Variants in OPCML observed in about 807,000 individuals in gnomAD.
OPCML encodes the protein opioid-binding protein/cell adhesion molecule.
OPCML carries 13 observed loss-of-function variants against 37.8 expected under a neutral mutation model. The observed-to-expected ratio is 0.34, with a 90% CI of 0.22 to 0.55. OPCML has a LOEUF of 0.55. Among genes scored for constraint, OPCML ranks in the 20% least tolerant of loss-of-function variants. The pLI, the probability that OPCML is intolerant of heterozygous loss-of-function variation, is 0.91. For synonymous variants in OPCML, 176 were observed against 168.8 expected (o/e 1.04, Z -0.33); for missense variants, 341 against 435.6 (o/e 0.78, Z 1.93).
At chr11:132,668,662 C>T (rs954505173) in intron 2 of OPCML, among the ~76,000 whole-genome samples, 11 of 152,092 alleles carry the variant, frequency 7.2e-5, no homozygotes, top group South Asian at 4.1e-4. Flanking sequence ...TGAATCCGTT[C>T]GCATATCCTT....
At chr11:132,500,569 T>C (rs2096243354) in intron 4 of OPCML, among the ~76,000 whole-genome samples, 1 of 152,206 alleles carries the variant, frequency 6.6e-6, no homozygotes, top group Non-Finnish European at 1.5e-5. Context: ...TTATTATTTA[T>C]TTTGTTTTAC....
chr11:133,378,769 G>T (rs934244597), intron 1 of OPCML, among the ~76,000 whole-genome samples: 1 of 148,192 alleles, frequency 6.7e-6, no homozygotes, highest in Non-Finnish European at 1.5e-5. Flanking sequence ...GTCTCACTCT[G>T]TCACCTAGGC....
At chr11:132,651,007 C>T (rs1941401901) in intron 3 of OPCML, among the ~76,000 whole-genome samples, 1 of 152,146 alleles carries the variant, frequency 6.6e-6, no homozygotes, top group East Asian at 1.9e-4. Flanking sequence ...AGGGAAATCC[C>T]TGGCAAAATT....
intron 1 of OPCML, among the ~76,000 whole-genome samples, chr11:133,282,986 T>C (rs906201403): frequency 5.9e-5 from 9 of 152,182 alleles, no homozygotes; most frequent in African/African-American, 1.9e-4. Flanking sequence ...TGGAAGTAAA[T>C]AACTTCGTTT....
chr11:133,421,929 G>C (rs1945895365), intron 1 of OPCML: 1 of 360,502 alleles, frequency 2.8e-6, no homozygotes, highest in Non-Finnish European at 3.9e-6. Context: ...TTGGGAGTAG[G>C]TTTTTATGCA....
At chr11:132,435,145 C>A in intron 7 of OPCML, 1 of 1,275,736 alleles carries the variant, frequency 7.8e-7, no homozygotes, top group Non-Finnish European at 1.0e-6. Flanking sequence ...TAGGAAGGAA[C>A]ATGCTGTACC....
At chr11:132,898,838 G>GCCCC (rs57148567) in intron 2 of OPCML, among the ~76,000 whole-genome samples, 3 of 149,332 alleles carry the variant, frequency 2.0e-5, no homozygotes, top group African/African-American at 5.1e-5. Context: ...AGTTTAGACT[G>GCCCC]CCCCCCCCAC....
In OPCML at chr11:133,208,425, G is replaced by A. The variant is rs758711067; in HGVS notation, c.62-265415C>T. On this transcript the variant is annotated intron_variant, in intron 1 of 7. Coordinates refer to ENST00000524381, the MANE Select transcript of OPCML (RefSeq NM_001012393.5). This position sits in a 1 kb window ranked among gnomAD's most constrained non-coding sequence, Gnocchi z 8.9. Reference sequence around the variant, plus strand: ...TAACTCTCTGGAGTTTACTCTGGGCGCAGGATGTGGTGCAGAGTAAATCAT... The same window carrying A: ...TAACTCTCTGGAGTTTACTCTGGGCACAGGATGTGGTGCAGAGTAAATCAT... Among the ~76,000 whole-genome samples, 15 of 152,164 alleles carry A rather than the reference G, an allele frequency of 9.9e-5. No individual in the cohort carries two copies. The highest frequency in any genetic ancestry group is 1.6e-4 in the Non-Finnish European group (11 of 68,042).
At chr11:133,074,444 T>C (rs1948590946) in intron 1 of OPCML, among the ~76,000 whole-genome samples, 1 of 152,214 alleles carries the variant, frequency 6.6e-6, no homozygotes, top group Non-Finnish European at 1.5e-5. Context: ...ACTCTGGTAT[T>C]AGTTGATTAC....
chr11:133,216,460 C>G (rs1419399042), intron 1 of OPCML, among the ~76,000 whole-genome samples: 1 of 152,196 alleles, frequency 6.6e-6, no homozygotes, highest in Non-Finnish European at 1.5e-5. Context: ...CTGATTTCTA[C>G]CAACCCAAGA....
intron 1 of OPCML, among the ~76,000 whole-genome samples, chr11:133,068,562 G>A (rs1948475841): frequency 2.0e-5 from 3 of 152,188 alleles, no homozygotes. Context: ...GAATTAGCTG[G>A]CACAAACAGT....
intron 1 of OPCML, among the ~76,000 whole-genome samples, chr11:133,087,544 C>T (rs1339029477): frequency 1.3e-5 from 2 of 152,182 alleles, no homozygotes; most frequent in South Asian, 4.1e-4. Flanking sequence ...ATGTGCTGGA[C>T]CAAGTAAACT....
intron 2 of OPCML, among the ~76,000 whole-genome samples, chr11:132,913,175 A>C (rs1226697773): frequency 6.6e-6 from 1 of 152,210 alleles, no homozygotes; most frequent in Non-Finnish European, 1.5e-5. Context: ...AAATTGATAC[A>C]TGGCAACATT....
chr11:133,461,471 A>G (rs552907030), intron 1 of OPCML, among the ~76,000 whole-genome samples: 2 of 152,100 alleles, frequency 1.3e-5, no homozygotes, highest in Non-Finnish European at 2.9e-5. Context: ...AAAGGAAATT[A>G]AAGAACAATT....
chr11:132,613,279 A>G (rs1170006403), intron 3 of OPCML, among the ~76,000 whole-genome samples: 1 of 152,240 alleles, frequency 6.6e-6, no homozygotes, highest in Non-Finnish European at 1.5e-5. Flanking sequence ...TTGCCGGTGT[A>G]CAACAGGATA....
chr11:133,344,915 A>G (rs1182368528), intron 1 of OPCML, among the ~76,000 whole-genome samples: 2 of 152,208 alleles, frequency 1.3e-5, no homozygotes, highest in African/African-American at 2.4e-5. Context: ...AAAGAGACAC[A>G]GTTAACAAGT....
At chr11:133,339,908 C>T (rs569343016) in intron 1 of OPCML, among the ~76,000 whole-genome samples, 6 of 152,286 alleles carry the variant, frequency 3.9e-5, no homozygotes, top group South Asian at 2.1e-4. Context: ...CTGAGAACAT[C>T]GCAACCCCCA....
intron 1 of OPCML, among the ~76,000 whole-genome samples, chr11:133,363,541 T>G (rs1307370148): frequency 6.6e-6 from 1 of 152,198 alleles, no homozygotes; most frequent in African/African-American, 2.4e-5. Context: ...ATTGCTATAA[T>G]AGAGATTTCC....
At chr11:133,141,691 C>A (rs901201101) in intron 1 of OPCML, among the ~76,000 whole-genome samples, 12 of 152,226 alleles carry the variant, frequency 7.9e-5, no homozygotes, top group Non-Finnish European at 1.5e-5. Context: ...TAAGTTATTG[C>A]ACTGAGCTGT....
Sources: allele counts gnomAD v4.1 joint callset (sites outside exome capture counted in the v4.1 genomes callset), GRCh38; gene constraint gnomAD v4.1.1; non-coding constraint Gnocchi (gnomAD v3.1); transcripts MANE v1.5; gene names NCBI Gene and HGNC (gene_info 2026-07-23, HGNC 2026-07-21).